The following NUDT4 variants were observed in gnomAD, a reference collection of about 807,000 sequenced individuals.
NUDT4 encodes the protein nudix hydrolase 4, also known as diphosphoinositol polyphosphate phosphohydrolase 2.
A neutral mutation model predicts 23.1 loss-of-function variants in NUDT4; 5 were observed. The observed-to-expected ratio is 0.22, with a 90% confidence interval of 0.11 to 0.46. The LOEUF (loss-of-function observed/expected upper bound fraction) is 0.46, where lower values mean the gene tolerates loss of function less well. Among genes scored for constraint, NUDT4 ranks in the 20% least tolerant of loss-of-function variants. The probability of loss-of-function intolerance (pLI) is 0.99; values close to 1 mark genes in which losing one functional copy is unlikely to be tolerated. For missense variants in NUDT4, 96 were observed against 211.6 expected (o/e 0.45, Z 3.39); for synonymous variants, 50 against 79.0 (o/e 0.63, Z 1.95).
At chr12:93,379,265 G>C (rs1215732187) in intron 1 of NUDT4, among the ~76,000 whole-genome samples, 1 of 152,182 alleles carries the variant, frequency 6.6e-6, no homozygotes, top group Non-Finnish European at 1.5e-5. Context: ...CCTGGAGAGC[G>C]ATTTTTACTT....
intron 3 of NUDT4, 107 bp from the exon 4 acceptor site, chr12:93,398,664 T>TA: frequency 3.0e-6 from 2 of 676,220 alleles, no homozygotes; most frequent in South Asian, 1.8e-5. Context: ...TGCTGGGAAA[T>TA]ACGCTATGCT....
chr12:93,391,458 T>C (rs1243981524), intron 1 of NUDT4, among the ~76,000 whole-genome samples: 1 of 151,358 alleles, frequency 6.6e-6, no homozygotes, highest in Non-Finnish European at 1.5e-5. Context: ...CCAGCTACTT[T>C]GGAGGCTGAG....
At chr12:93,389,318 CA>C (rs1437839614) in intron 1 of NUDT4, among the ~76,000 whole-genome samples, 1 of 151,866 alleles carries the variant, frequency 6.6e-6, no homozygotes, top group East Asian at 1.9e-4. Flanking sequence ...ACTAAAAATA[CA>C]AAATTAGCTG....
intron 1 of NUDT4, among the ~76,000 whole-genome samples, chr12:93,388,535 CTT>C (rs1352926394): frequency 6.6e-6 from 1 of 152,206 alleles, no homozygotes; most frequent in African/African-American, 2.4e-5. Context: ...TGAATTGTCA[CTT>C]TTTGACAGGA....
intron 1 of NUDT4, among the ~76,000 whole-genome samples, chr12:93,389,356 C>T (rs1189977932): frequency 6.6e-6 from 1 of 152,076 alleles, no homozygotes; most frequent in African/African-American, 2.4e-5. Flanking sequence ...TCTGTAATCC[C>T]AGCTACTTGG....
At position 93,404,964 on chromosome 12, in the gene NUDT4, GCT is replaced by G. The variant is rs1263792963; in HGVS notation, c.*5586_*5587del. The G allele has an allele frequency of 6.6e-6, 1 of 151,230 alleles. No homozygotes were observed. Among genetic ancestry groups the G allele is most frequent in the Non-Finnish European group, 1.5e-5 (1 of 67,912 alleles). The allele number at this position is 151,230 out of a possible 1,614,324, so 9.4% of individuals were successfully genotyped here. On this transcript the variant is annotated 3_prime_UTR_variant, in exon 5 of 5. Coordinates refer to ENST00000415493, the MANE Select transcript of NUDT4 (RefSeq NM_019094.6). ...ATTTGTTTACAAATCGTCTGTGGGT[GCT>G]TTCTCACTACAATGGCAGAATTCAG... is the stretch of plus-strand genomic sequence containing the variant.
rs979433389 is a variant in NUDT4 at position 93,406,710 on chromosome 12, A to G, written c.*7331A>G. 3 of 152,224 alleles carry G rather than the reference A, an allele frequency of 2.0e-5. No homozygotes were observed. The highest frequency in any genetic ancestry group is 4.4e-5 in the Non-Finnish European group (3 of 68,050). The allele number at this position is 152,224 out of a possible 1,614,324, so 9.4% of individuals were successfully genotyped here. A position where few individuals can be genotyped will look rare whatever the true frequency, so the allele number is the denominator to read the frequency against. ...GCACTTACATTATAATAGGTATTATAAGTAATCTAAATATTAACATAAGCG... is the reference window on the plus strand; with the variant it reads ...GCACTTACATTATAATAGGTATTATGAGTAATCTAAATATTAACATAAGCG... On this transcript the variant is annotated 3_prime_UTR_variant, in exon 5 of 5. Transcript: ENST00000415493.
chr12:93,383,062 A>T (rs2120866018), intron 1 of NUDT4, among the ~76,000 whole-genome samples: 1 of 133,622 alleles, frequency 7.5e-6, no homozygotes, highest in East Asian at 3.3e-4. Context: ...ATTAACGTAG[A>T]ATTTGCATTG....
rs1269801868 is a variant in NUDT4, at chr12:93,405,706, TTTA to T, written c.*6333_*6335del. 2.6e-5 allele frequency: 4 copies of T among 152,314 alleles called. No individual in the cohort carries two copies. The highest frequency in any genetic ancestry group is 6.5e-5 in the Admixed American group (1 of 15,296). The allele number at this position is 152,314 out of a possible 1,614,324, so 9.4% of individuals were successfully genotyped here. ...TAGTCCAGGTGGTAGATGACAGATT[TTTA>T]TTATTTACACTTCTCTCAAATTATT... On this transcript the variant is annotated 3_prime_UTR_variant, in exon 5 of 5. Transcript: ENST00000415493.
chr12:93,392,243 T>TCCCC (rs377016882), intron 1 of NUDT4, among the ~76,000 whole-genome samples: 6 of 118,466 alleles, frequency 5.1e-5, no homozygotes, highest in South Asian at 3.0e-4. Context: ...TTCCTTTGTT[T>TCCCC]CCCCCCCCCC....
rs2121044075 is a variant in NUDT4, at chr12:93,407,330, TTAGAG to T, written c.*7954_*7958del. ...ACTATTTGTCTGTCCCCCTTCCCCA[TTAGAG>T]TATATGGTCCCCAAAGGAAAGCCCC... is the stretch of plus-strand genomic sequence containing the variant. On this transcript the variant is annotated 3_prime_UTR_variant, in exon 5 of 5. Transcript: ENST00000415493. 6.6e-6 allele frequency: 1 copy of T among 152,306 alleles called. No homozygotes were observed. The highest frequency in any genetic ancestry group is 6.5e-5 in the Admixed American group (1 of 15,292). The allele number at this position is 152,306 out of a possible 1,614,324, so 9.4% of individuals were successfully genotyped here.
rs558233261 is a variant in NUDT4 at position 93,406,577 on chromosome 12, TC to T, written c.*7200del. The T allele has an allele frequency of 1.3e-5, 2 of 152,256 alleles. No homozygotes were observed. The highest frequency in any genetic ancestry group is 2.9e-5 in the Non-Finnish European group (2 of 68,086). 9.4% of individuals were successfully genotyped at this position (152,256 alleles called of 1,614,324 possible). On this transcript the variant is annotated 3_prime_UTR_variant, in exon 5 of 5. Transcript: ENST00000415493. ...GCCCTCCATATCCATGGGTTCCACTTCCGTGGATTCAAACAACCAGACAAAA... is the reference window on the plus strand; with the variant it reads ...GCCCTCCATATCCATGGGTTCCACTTCGTGGATTCAAACAACCAGACAAAA...
intron 1 of NUDT4, among the ~76,000 whole-genome samples, chr12:93,390,790 A>G (rs1327919344): frequency 6.6e-6 from 1 of 151,948 alleles, no homozygotes; most frequent in African/African-American, 2.4e-5. Flanking sequence ...ATTTTTTTGT[A>G]GAGGGAGTTT....
In NUDT4 at chr12:93,398,686, T is replaced by C. The variant is rs558556373; in HGVS notation, c.256-85T>C. On this transcript the variant is annotated intron_variant, in intron 3 of 4. Transcript: ENST00000415493. ...AAATACGCTATGCTAATCAGCAGTA[T>C]GCCAGACTAATTTTTTTCCCTTGGA... The C allele has an allele frequency of 2.6e-4, 215 of 830,020 alleles. 1 individual carries two copies. The African/African-American group carries it at 3.2e-3, about 12-fold the overall frequency. 51.4% of individuals were successfully genotyped at this position (830,020 alleles called of 1,614,324 possible). A position where few individuals can be genotyped will look rare whatever the true frequency, so the allele number is the denominator to read the frequency against.
At chr12:93,393,341 T>A (rs943359502) in intron 1 of NUDT4, among the ~76,000 whole-genome samples, 1 of 151,982 alleles carries the variant, frequency 6.6e-6, no homozygotes, top group African/African-American at 2.4e-5. Flanking sequence ...TGACCTCAGG[T>A]GATCGCCCAC....
intron 3 of NUDT4, among the ~76,000 whole-genome samples, chr12:93,398,185 C>CA (rs1432008669): frequency 6.6e-6 from 1 of 151,448 alleles, no homozygotes; most frequent in African/African-American, 2.4e-5. Flanking sequence ...ACTAAAAATA[C>CA]AAAAATTAGC....
chr12:93,384,049 A>G (rs1431507791), intron 1 of NUDT4, among the ~76,000 whole-genome samples: 1 of 152,174 alleles, frequency 6.6e-6, no homozygotes, highest in Non-Finnish European at 1.5e-5. Flanking sequence ...TTCGAGGCCC[A>G]AGGACCTACA....
At chr12:93,385,941 T>A (rs11107005) in intron 1 of NUDT4, among the ~76,000 whole-genome samples, 4,878 of 104,338 alleles carry the variant, frequency 0.047, 271 homozygotes, top group East Asian at 0.16. Context: ...GTAAATCTTT[T>A]TATATATATA....
intron 1 of NUDT4, among the ~76,000 whole-genome samples, chr12:93,382,264 C>CAA (rs61019568): frequency 0.012 from 1,411 of 113,368 alleles, 28 homozygotes; most frequent in African/African-American, 0.04. Flanking sequence ...ACCCTGCCTG[C>CAA]AAAAAAAAAA....
Sources: allele counts gnomAD v4.1 joint callset (sites outside exome capture counted in the v4.1 genomes callset), GRCh38; gene constraint gnomAD v4.1.1; transcripts MANE v1.5; gene names NCBI Gene and HGNC (gene_info 2026-07-23, HGNC 2026-07-21).